The following CHLSN variants were observed in gnomAD, a reference collection of about 807,000 sequenced individuals.
The protein encoded by CHLSN is protein cholesin.
the CHLSN span, among the ~76,000 whole-genome samples, chr7:994,259 G>A: frequency 2.0e-5 from 3 of 152,150 alleles, no homozygotes; most frequent in African/African-American, 4.8e-5. Context: ...CCGTGTTCAA[G>A]CGATTCTCCT....
the CHLSN span, among the ~76,000 whole-genome samples, chr7:1,029,999 GTC>G: frequency 6.6e-6 from 1 of 152,186 alleles, no homozygotes; most frequent in Admixed American, 6.5e-5. Context: ...CCGATTTAGT[GTC>G]TCTGCCACTG....
At chr7:1,108,698 C>T in the CHLSN span, among the ~76,000 whole-genome samples, 4 of 152,208 alleles carry the variant, frequency 2.6e-5, no homozygotes, top group Non-Finnish European at 4.4e-5. Flanking sequence ...CACTCTCTGC[C>T]GCCTGAGTGT....
At chr7:1,114,364 C>T in the CHLSN span, among the ~76,000 whole-genome samples, 1 of 152,234 alleles carries the variant, frequency 6.6e-6, no homozygotes, top group Non-Finnish European at 1.5e-5. Flanking sequence ...TCCTAAGCTG[C>T]AGGTTAAAGA....
chr7:1,018,193 C>A, the CHLSN span, among the ~76,000 whole-genome samples: 1 of 152,340 alleles, frequency 6.6e-6, no homozygotes, highest in African/African-American at 2.4e-5. Flanking sequence ...CCAGGACACG[C>A]ACACTAGGGC....
At chr7:1,059,893 G>A in the CHLSN span, among the ~76,000 whole-genome samples, 844 of 74,988 alleles carry the variant, frequency 0.011, 25 homozygotes, top group Non-Finnish European at 0.015. Flanking sequence ...GTAGTGAGGC[G>A]GGTCTTAGTG....
At chr7:1,080,461 C>T in the CHLSN span, among the ~76,000 whole-genome samples, 11 of 152,298 alleles carry the variant, frequency 7.2e-5, no homozygotes, top group Non-Finnish European at 1.6e-4. Flanking sequence ...AGGTGCCACC[C>T]GCGTGACGGT....
chr7:1,092,064 C>T, the CHLSN span: 1 of 1,613,998 alleles, frequency 6.2e-7, no homozygotes, highest in Non-Finnish European at 8.5e-7. Context: ...TGGCCGACTC[C>T]CTCATTGAGG....
the CHLSN span, among the ~76,000 whole-genome samples, chr7:1,136,465 CAT>C: frequency 9.7e-4 from 66 of 67,786 alleles, 2 homozygotes; most frequent in Middle Eastern, 9.8e-3. Flanking sequence ...CATATATAAA[CAT>C]ATATAAATAT....
chr7:1,087,663 T>C, the CHLSN span, among the ~76,000 whole-genome samples: 1 of 152,224 alleles, frequency 6.6e-6, no homozygotes, highest in Non-Finnish European at 1.5e-5. Flanking sequence ...CCTAAGTTAC[T>C]TGTCAGAAAT....
the CHLSN span, among the ~76,000 whole-genome samples, chr7:989,880 C>T: frequency 7.6e-6 from 1 of 131,112 alleles, no homozygotes; most frequent in Non-Finnish European, 1.6e-5. Context: ...GCGGTGTGGT[C>T]GGCAGTGTGA....
At chr7:1,096,852 C>T in the CHLSN span, among the ~76,000 whole-genome samples, 2 of 152,206 alleles carry the variant, frequency 1.3e-5, no homozygotes, top group South Asian at 2.1e-4. This position sits in a 1 kb window ranked among gnomAD's most constrained non-coding sequence, Gnocchi z 4.6. Flanking sequence ...AATGCTCACG[C>T]GCCCACTCAC....
At chr7:988,007 G>GTCCCCTCTGTGTGTCCTGGGGA in the CHLSN span, among the ~76,000 whole-genome samples, 1 of 146,362 alleles carries the variant, frequency 6.8e-6, no homozygotes, top group Admixed American at 6.8e-5. Context: ...GTCCTGGGGG[G>GTCCCCTCTGTGTGTCCTGGGGA]TCCCCTCTGT....
the CHLSN span, among the ~76,000 whole-genome samples, chr7:1,106,989 AC>A: frequency 1.3e-5 from 2 of 152,152 alleles, no homozygotes; most frequent in Non-Finnish European, 2.9e-5. Context: ...GCACCAGGCC[AC>A]GGGGAAGCGC....
the CHLSN span, among the ~76,000 whole-genome samples, chr7:1,068,681 A>G: frequency 6.6e-6 from 1 of 152,050 alleles, no homozygotes; most frequent in African/African-American, 2.4e-5. Flanking sequence ...ACCTGACCCA[A>G]AAACTTTTAG....
the CHLSN span, among the ~76,000 whole-genome samples, chr7:1,124,056 A>G: frequency 3.3e-5 from 5 of 152,314 alleles, no homozygotes; most frequent in South Asian, 1.0e-3. Flanking sequence ...CGTGTTACAG[A>G]CCAGCAGAGT....
At chr7:986,033 G>GGCTGCA in the CHLSN span, among the ~76,000 whole-genome samples, 1 of 152,294 alleles carries the variant, frequency 6.6e-6, no homozygotes, top group African/African-American at 2.4e-5. Context: ...GGAAGATGGA[G>GGCTGCA]GCTGCACGGC....
At chr7:1,119,811 A>G in the CHLSN span, among the ~76,000 whole-genome samples, 1 of 150,494 alleles carries the variant, frequency 6.6e-6, no homozygotes, top group Non-Finnish European at 1.5e-5. Context: ...CGGGAGGCAG[A>G]GGTTGCGGTG....
At chr7:1,059,769 C>T in the CHLSN span, among the ~76,000 whole-genome samples, 174 of 24,116 alleles carry the variant, frequency 7.2e-3, no homozygotes, top group Non-Finnish European at 9.1e-3. Context: ...CTTAGTGGGG[C>T]GGGTCCGTAA....
the CHLSN span, chr7:1,028,280 C>T: frequency 1.9e-6 from 2 of 1,076,912 alleles, no homozygotes; most frequent in East Asian, 1.0e-4. Context: ...TGTCAGGTCC[C>T]GCGGGCACGG....
Sources: gnomAD v4.1 joint callset for allele counts (sites outside exome capture counted in the v4.1 genomes callset) on GRCh38, gnomAD v4.1.1 for gene constraint, Gnocchi (gnomAD v3.1) non-coding constraint, MANE v1.5 for transcripts, NCBI Gene and HGNC (gene_info 2026-07-23, HGNC 2026-07-21) for gene names.